Variants in DNAAF2 observed in about 807,000 individuals in gnomAD.
DNAAF2 encodes protein kintoun.
DNAAF2 carries 58 observed loss-of-function variants against 48.8 expected under a neutral mutation model. The observed-to-expected ratio is 1.19, with a 90% CI of 0.96 to 1.48. The LOEUF (loss-of-function observed/expected upper bound fraction) is 1.48, where lower values mean the gene tolerates loss of function less well. DNAAF2 is among the 40% of genes most tolerant of loss of function. The pLI is 0.00. For missense variants in DNAAF2, 1,241 were observed against 1,116.1 expected (o/e 1.11, Z -1.59); for synonymous variants, 567 against 481.2 (o/e 1.18, Z -2.33).
In DNAAF2 at chr14:49,625,483, C is replaced by G. The variant is rs1405838735; in HGVS notation, c.*59G>C. 9 of 1,209,932 alleles carry G rather than the reference C, an allele frequency of 7.4e-6. No homozygotes were observed. Among genetic ancestry groups the G allele is most frequent in the Non-Finnish European group, 9.7e-6 (9 of 923,204 alleles). 74.9% of individuals were successfully genotyped at this position (1,209,932 alleles called of 1,614,324 possible). ...GTTTTAAGACAACAGTTAACAGAAT[C>G]AATTTTAGATACAGGTATTTTTTAA... On this transcript the variant is annotated 3_prime_UTR_variant, in exon 3 of 3. Coordinates refer to ENST00000298292, the MANE Select transcript of DNAAF2 (RefSeq NM_018139.3).
Position 49,634,007 on chromosome 14 carries a change from A to AG in DNAAF2, c.1142dup (p.Ser382PhefsTer109). The AG allele has an allele frequency of 6.6e-7, 1 of 1,522,956 alleles. No homozygotes were observed. The highest frequency in any genetic ancestry group is 2.5e-5 in the East Asian group (1 of 40,210). The allele number at this position is 1,522,956 out of a possible 1,614,324, so 94.3% of individuals were successfully genotyped here. The stretch of plus-strand genomic sequence containing the variant: ...GTCCCGCCTCCCCCTCGCGAGCGGA[A>AG]GCGCAGGCCTGGCCGTCAGTTCCGG... On this transcript the variant is annotated frameshift_variant, in exon 1 of 3. Coordinates refer to ENST00000298292, the MANE Select transcript of DNAAF2 (RefSeq NM_018139.3). LOFTEE classifies it high-confidence loss of function.
At chr14:49,629,939 G>T (rs1883109632) in intron 1 of DNAAF2, 1 of 151,824 alleles carries the variant, frequency 6.6e-6, no homozygotes, top group African/African-American at 2.4e-5. Context: ...AGTAAATTAT[G>T]AAAAAAATTA....
intron 1 of DNAAF2, among the ~76,000 whole-genome samples, chr14:49,628,489 C>T (rs1278402356): frequency 6.6e-6 from 1 of 152,178 alleles, no homozygotes; most frequent in East Asian, 1.9e-4. Flanking sequence ...TAGTCTCACT[C>T]TGTTGCCCAG....
chr14:49,634,446 C>T lies in DNAAF2; in HGVS notation c.704G>A (p.Gly235Glu). ...PYPYQYPAAP[G>E]PRAPSPPEAA... ...TTCCGGAGGGGAGGGCGCCCGGGGC[C>T]CGGGGGCTGCCGGGTACTGGTAAGG... Residue 235 changes from glycine to glutamate, a missense_variant, in exon 1 of 3, where the codon GGG becomes GAG. Physicochemically the swap from Gly to Glu is moderately conservative, Grantham distance 98 (BLOSUM62 -2). Coordinates refer to ENST00000298292, the MANE Select transcript of DNAAF2 (RefSeq NM_018139.3). 3 of 1,555,076 alleles carry T rather than the reference C, an allele frequency of 1.9e-6. No homozygotes were observed. The highest frequency in any genetic ancestry group is 1.7e-4 in the Middle Eastern group (1 of 5,882).
Position 49,633,397 on chromosome 14 carries a change from G to T in DNAAF2, c.1753C>A (p.Pro585Thr). The T allele has an allele frequency of 6.2e-7, 1 of 1,614,054 alleles. No individual in the cohort carries two copies. Among genetic ancestry groups the T allele is most frequent in the South Asian group, 1.1e-5 (1 of 91,088 alleles). The change falls in exon 1 of 3, where the codon CCT becomes ACT. Residue 585 changes from proline (P) to threonine (T), a missense_variant. Pro to Thr is a conservative substitution (Grantham distance 38). Coordinates refer to ENST00000298292, the MANE Select transcript of DNAAF2 (RefSeq NM_018139.3). ...TTGTTTGAAGAAATGCTAATCACAG[G>T]TTCTGTGGTACTCAATTTATTCTCT... is the stretch of plus-strand genomic sequence containing the variant. ...APENKLSTTE[P>T]VISISSNNAV...
Position 49,633,643 on chromosome 14 carries a change from C to G in DNAAF2, c.1507G>C (p.Gly503Arg). The change falls in exon 1 of 3, where the codon GGC (glycine) becomes CGC (arginine). Residue 503 changes from glycine to arginine, a missense_variant. By Grantham distance (125) the Gly-to-Arg change is moderately radical. Coordinates refer to ENST00000298292, the MANE Select transcript of DNAAF2 (RefSeq NM_018139.3). Reference sequence around the variant, plus strand: ...CCCATGGCGCAGGCTGAGCGCTGGCCGCCCGTGCCCTCCGACTCCTCGCGT... The same window carrying G: ...CCCATGGCGCAGGCTGAGCGCTGGCGGCCCGTGCCCTCCGACTCCTCGCGT... ...ETREESEGTG[G>R]QRSACAMGGP... 1 of 1,612,786 alleles carries G rather than the reference C, an allele frequency of 6.2e-7. No homozygotes were observed. The highest frequency in any genetic ancestry group is 8.5e-7 in the Non-Finnish European group (1 of 1,179,188).
Position 49,634,840 on chromosome 14 carries a change from G to A in DNAAF2, c.310C>T (p.Arg104Trp). ...CCCCGGTCGCCACCGGAGCCGGGCC[G>A]GCTGCTGGGCGCGCCCACCAACGCG... The part of the protein sequence containing the change: ...SNALVGAPSS[R>W]PGSGGDRGAA... The change falls in exon 1 of 3, where the codon CGG becomes TGG. Residue 104 changes from arginine (R) to tryptophan (W), a missense_variant. Arg to Trp is a moderately radical substitution (Grantham distance 101, BLOSUM62 -3). Transcript: ENST00000298292. 1 of 1,545,440 alleles carries A rather than the reference G, an allele frequency of 6.5e-7. No homozygotes were observed. The highest frequency in any genetic ancestry group is 1.2e-5 in the South Asian group (1 of 84,128).
chr14:49,633,838 G>C lies in DNAAF2; in HGVS notation c.1312C>G (p.Gln438Glu). 1 of 1,568,330 alleles carries C rather than the reference G, an allele frequency of 6.4e-7. No individual in the cohort carries two copies. The highest frequency in any genetic ancestry group is 1.1e-5 in the South Asian group (1 of 87,204). Residue 438 changes from glutamine (Q) to glutamate (E), a missense_variant, in exon 1 of 3, where the codon CAG becomes GAG. By Grantham distance (29) the Gln-to-Glu change is conservative (BLOSUM62 2). Transcript: ENST00000298292. ...GACCCCGCGTGCCTGCTCAAGTCCT[G>C]CTCCCCCGGCTTGGGGACACGCTCC... The part of the protein sequence containing the change: ...GEERVPKPGE[Q>E]DLSRHAGSPP...
intron 1 of DNAAF2, among the ~76,000 whole-genome samples, chr14:49,631,796 C>T (rs973939007): frequency 6.6e-6 from 1 of 152,074 alleles, no homozygotes; most frequent in African/African-American, 2.4e-5. Context: ...AAGTTCTGAC[C>T]TTGAAAGCCA....
At chr14:49,627,811 C>T (rs1309078621) in intron 2 of DNAAF2, among the ~76,000 whole-genome samples, 10 of 150,558 alleles carry the variant, frequency 6.6e-5, no homozygotes, top group Non-Finnish European at 2.9e-5. Flanking sequence ...GATGAGATCG[C>T]GCTACTGCAC....
At chr14:49,632,214 C>G (rs1184260526) in intron 1 of DNAAF2, among the ~76,000 whole-genome samples, 1 of 152,184 alleles carries the variant, frequency 6.6e-6, no homozygotes, top group African/African-American at 2.4e-5. Context: ...CTAAATGTCC[C>G]ACTTCTGATG....
Position 49,635,102 on chromosome 14 carries a change from G to A in DNAAF2, c.48C>T (p.Ser16=). ...ASSSLEDLDL[S]GEEVQRLTSA... ...AGGTGAGCCGCTGGACCTCCTCTCC[G>A]CTCAGGTCCAAGTCCTCCAGCGACG... is the stretch of plus-strand genomic sequence containing the variant. Residue 16 remains serine, a synonymous_variant, in exon 1 of 3, where the codon AGC becomes AGT. Transcript: ENST00000298292. The A allele has an allele frequency of 1.3e-6, 2 of 1,578,402 alleles. No homozygotes were observed. The highest frequency in any genetic ancestry group is 2.3e-5 in the East Asian group (1 of 42,734).
At chr14:49,630,386 T>C (rs1381509343) in intron 1 of DNAAF2, among the ~76,000 whole-genome samples, 1 of 152,078 alleles carries the variant, frequency 6.6e-6, no homozygotes, top group Non-Finnish European at 1.5e-5. Context: ...TACAGGTGTA[T>C]AGTTAGGGTG....
In DNAAF2 at chr14:49,625,416, A is replaced by T. The variant is rs8952; in HGVS notation, c.*126T>A. The T allele has an allele frequency of 0.2, 141,774 of 725,522 alleles. 16,925 individuals are homozygous for T. Among genetic ancestry groups the T allele is most frequent in the African/African-American group, 0.49 (26,778 of 54,308 alleles). 44.9% of individuals were successfully genotyped at this position (725,522 alleles called of 1,614,324 possible). ...ATGAGAATCAAAATTGCAATTTTTT[A>T]AAAAAAATTGCAAATTTTAATTTTA... On this transcript the variant is annotated 3_prime_UTR_variant, in exon 3 of 3. Coordinates refer to ENST00000298292, the MANE Select transcript of DNAAF2 (RefSeq NM_018139.3).
intron 2 of DNAAF2, 100 bp from the exon 3 acceptor site, chr14:49,626,148 T>C: frequency 6.0e-6 from 6 of 992,154 alleles, no homozygotes; most frequent in Non-Finnish European, 8.1e-6. Context: ...TGTGAGGTAA[T>C]AGCCCTTACA....
chr14:49,630,704 A>ACACACACACACACAC (rs1883132021), intron 1 of DNAAF2, among the ~76,000 whole-genome samples: 3 of 58,722 alleles, frequency 5.1e-5, no homozygotes, highest in Admixed American at 1.9e-4. Context: ...CACACACATA[A>ACACACACACACACAC]ACTCTCTACA....
At position 49,633,524 on chromosome 14, in the gene DNAAF2, C is replaced by G. The variant is rs35763780; in HGVS notation, c.1626G>C (p.Arg542=). The G allele has an allele frequency of 1.1e-3, 1,796 of 1,614,012 alleles. 25 individuals are homozygous for G. The African/African-American group carries it at 0.02, about 18-fold the overall frequency. ...CTCCTTGAAGACTTTGCGGCTGGATCCGAGGCACCTGAATGAGCAGAGTCA... is the reference window on the plus strand; with the variant it reads ...CTCCTTGAAGACTTTGCGGCTGGATGCGAGGCACCTGAATGAGCAGAGTCA... ...ETLTLLIQVP[R]IQPQSLQGDL... The change falls in exon 1 of 3, where the codon CGG becomes CGC. Residue 542 remains arginine (R), a synonymous_variant. Coordinates refer to ENST00000298292, the MANE Select transcript of DNAAF2 (RefSeq NM_018139.3).
intron 1 of DNAAF2, among the ~76,000 whole-genome samples, chr14:49,631,083 C>T (rs901030022): frequency 1.3e-5 from 2 of 151,972 alleles, no homozygotes; most frequent in Non-Finnish European, 2.9e-5. Flanking sequence ...TATTTAAAAT[C>T]GTGAAAACCT....
rs1883308070 is a variant in DNAAF2 at position 49,635,030 on chromosome 14, G to C, written c.120C>G (p.Ala40=). ...PEFRRMFSQY[A]EELTDPENRR... is the part of the protein sequence containing the mutation. ...GGTTCTCCGGGTCGGTGAGCTCCTC[G>C]GCGTACTGGGAGAACATTCGCCGGA... The change falls in exon 1 of 3, where the codon GCC becomes GCG. Residue 40 remains alanine (A), a synonymous_variant. Coordinates refer to ENST00000298292, the MANE Select transcript of DNAAF2 (RefSeq NM_018139.3). 1 of 1,576,346 alleles carries C rather than the reference G, an allele frequency of 6.3e-7. No homozygotes were observed. The highest frequency in any genetic ancestry group is 8.6e-7 in the Non-Finnish European group (1 of 1,161,712).
Sources: gnomAD v4.1 joint callset for allele counts (sites outside exome capture counted in the v4.1 genomes callset) on GRCh38, gnomAD v4.1.1 for gene constraint, MANE v1.5 for transcripts, NCBI Gene and HGNC (gene_info 2026-07-23, HGNC 2026-07-21) for gene names.